PBRM1: variants seen among roughly 807,000 people sequenced by gnomAD.
The protein encoded by PBRM1 is protein polybromo-1.
In PBRM1, 27 loss-of-function variants were observed where a neutral mutation model predicts 194.5. That is an observed-to-expected ratio of 0.14 (90% CI 0.10 to 0.19). The LOEUF is 0.19. Ranked by LOEUF, PBRM1 falls within the 10% of genes least tolerant of loss-of-function variation. The pLI is 1.00. For missense variants in PBRM1, 1,466 were observed against 2,077.2 expected (o/e 0.71, Z 5.72); for synonymous variants, 655 against 693.2 (o/e 0.94, Z 0.87).
At chr3:52,634,682 A>G (rs754674808) in exon 11 of PBRM1, 1 of 1,613,840 alleles carries the variant, frequency 6.2e-7, no homozygotes, top group Non-Finnish European at 8.5e-7. Flanking sequence ...AATGGTAAAA[A>G]GGTTCAGCTA....
intron 4 of PBRM1, among the ~76,000 whole-genome samples, chr3:52,658,528 G>A (rs2096654380): frequency 6.6e-6 from 1 of 151,818 alleles, no homozygotes; most frequent in Non-Finnish European, 1.5e-5. Context: ...CCGAGTAGCT[G>A]GGATTATAGG....
At chr3:52,603,151 G>A (rs891104646) in intron 17 of PBRM1, among the ~76,000 whole-genome samples, 1 of 152,220 alleles carries the variant, frequency 6.6e-6, no homozygotes, top group Non-Finnish European at 1.5e-5. Context: ...GGAAAGCAAT[G>A]CTACTGCATG....
At chr3:52,634,750 G>A (rs2153646914) in exon 11 of PBRM1, 1 of 1,613,986 alleles carries the variant, frequency 6.2e-7, no homozygotes, top group Non-Finnish European at 8.5e-7. Context: ...TGATAAAAAG[G>A]ATTTGAAACA....
In PBRM1 at chr3:52,628,863, C is replaced by T. The variant is rs772395418; in HGVS notation, c.1443+31G>A. 9 of 1,605,192 alleles carry T rather than the reference C, an allele frequency of 5.6e-6. No homozygotes were observed. In the South Asian group the frequency reaches 6.6e-5, roughly 12 times the overall value. ...TGCAAAATTATTTTAATCATATATA[C>T]AACAAACTCAGCAAAAACAATAAAT... On this transcript the variant is annotated intron_variant, in intron 12 of 29. Coordinates refer to ENST00000296302, the Ensembl canonical transcript of PBRM1.
At chr3:52,667,034 C>G (rs373583816) in intron 3 of PBRM1, among the ~76,000 whole-genome samples, 4 of 151,970 alleles carry the variant, frequency 2.6e-5, no homozygotes, top group Non-Finnish European at 5.9e-5. Flanking sequence ...GCAACGATTG[C>G]GAACAAACGC....
chr3:52,588,882 C>A (rs2092732020), intron 18 of PBRM1, among the ~76,000 whole-genome samples, 188 bp downstream of exon 20: 2 of 152,164 alleles, frequency 1.3e-5, no homozygotes, highest in African/African-American at 2.4e-5. Context: ...TTTGACTCAA[C>A]TGTGACACTT....
At chr3:52,594,040 C>A (rs2577831) in intron 17 of PBRM1, among the ~76,000 whole-genome samples, 81,131 of 151,944 alleles carry the variant, frequency 0.53, 22,301 homozygotes, top group African/African-American at 0.65. Flanking sequence ...AAAGTCTCCC[C>A]GTATTGTGTG....
intron 27 of PBRM1, among the ~76,000 whole-genome samples, chr3:52,553,021 G>C (rs1414103293): frequency 6.6e-6 from 1 of 152,178 alleles, no homozygotes; most frequent in Non-Finnish European, 1.5e-5. Context: ...CTCCAGGCCA[G>C]GCCACCAAGT....
intron 25 of PBRM1, among the ~76,000 whole-genome samples, chr3:52,558,919 T>C (rs1210317408): frequency 6.6e-6 from 1 of 152,200 alleles, no homozygotes; most frequent in Non-Finnish European, 1.5e-5. Flanking sequence ...TCATGGAGTT[T>C]AGCAGCTGAA....
At chr3:52,612,258 CAAAAAA>C (rs566481465) in intron 15 of PBRM1, among the ~76,000 whole-genome samples, 13 of 24,012 alleles carry the variant, frequency 5.4e-4, no homozygotes, top group South Asian at 1.7e-3. Context: ...GATTCCGTCT[CAAAAAA>C]AAAAAAAAAA....
chr3:52,576,512 C>T (rs1464775754), intron 22 of PBRM1, 29 bp downstream of exon 24: 12 of 1,561,316 alleles, frequency 7.7e-6, no homozygotes, highest in African/African-American at 2.8e-5. Flanking sequence ...GGAATAAACA[C>T]GATTAAATAA....
At chr3:52,581,227 A>T (rs2091077850) in intron 20 of PBRM1, among the ~76,000 whole-genome samples, 1 of 152,210 alleles carries the variant, frequency 6.6e-6, no homozygotes, top group Non-Finnish European at 1.5e-5. Flanking sequence ...GAATGAGGGA[A>T]GGCCGGGAGT....
At chr3:52,653,149 A>G (rs2096541102) in intron 5 of PBRM1, among the ~76,000 whole-genome samples, 1 of 152,250 alleles carries the variant, frequency 6.6e-6, no homozygotes, top group Non-Finnish European at 1.5e-5. Flanking sequence ...ACGTTATTAT[A>G]TAATATTCAC....
intron 5 of PBRM1, among the ~76,000 whole-genome samples, chr3:52,654,428 T>C (rs2096569354): frequency 6.6e-6 from 1 of 152,168 alleles, no homozygotes; most frequent in African/African-American, 2.4e-5. Flanking sequence ...TACAAAGTAA[T>C]TCAAAGTCAT....
exon 14 of PBRM1, chr3:52,617,505 G>C (rs769288761): frequency 6.2e-7 from 1 of 1,611,282 alleles, no homozygotes; most frequent in Non-Finnish European, 8.5e-7. Context: ...CATTGAATAA[G>C]ATTTTCATTC....
intron 15 of PBRM1, among the ~76,000 whole-genome samples, chr3:52,612,258 C>CAAAAAAAA (rs566481465): frequency 1.2e-4 from 3 of 24,008 alleles, no homozygotes; most frequent in African/African-American, 4.7e-4. Flanking sequence ...GATTCCGTCT[C>CAAAAAAAA]AAAAAAAAAA....
At chr3:52,562,932 C>A (rs182692692) in intron 24 of PBRM1, among the ~76,000 whole-genome samples, 1 of 152,072 alleles carries the variant, frequency 6.6e-6, no homozygotes, top group Non-Finnish European at 1.5e-5. Context: ...TAAAAAGACA[C>A]GGGTAATAAA....
chr3:52,603,873 G>T, intron 16 of PBRM1, 141 bp from the exon 19 acceptor site: 1 of 791,498 alleles, frequency 1.3e-6, no homozygotes, highest in Non-Finnish European at 1.9e-6. Flanking sequence ...TCTTTCCGAA[G>T]TTTGTTAGAA....
At chr3:52,650,201 A>T (rs2096449454) in intron 6 of PBRM1, among the ~76,000 whole-genome samples, 1 of 151,834 alleles carries the variant, frequency 6.6e-6, no homozygotes, top group Admixed American at 6.6e-5. Flanking sequence ...TGTCTCTATT[A>T]AAAATACAAA....
Sources: allele counts gnomAD v4.1 joint callset (sites outside exome capture counted in the v4.1 genomes callset), GRCh38; gene constraint gnomAD v4.1.1; transcripts MANE v1.5; gene names NCBI Gene and HGNC (gene_info 2026-07-23, HGNC 2026-07-21).